The following TFB1M variants were observed in gnomAD, a reference collection of about 807,000 sequenced individuals.
The protein encoded by TFB1M is transcription factor B1, mitochondrial, also known as dimethyladenosine transferase 1, mitochondrial.
A neutral mutation model predicts 31.1 loss-of-function variants in TFB1M; 27 were observed. The observed-to-expected ratio is 0.87, with a 90% CI of 0.64 to 1.20. The LOEUF (loss-of-function observed/expected upper bound fraction) is 1.20, where lower values mean the gene tolerates loss of function less well. Among genes scored for constraint, TFB1M ranks in the 50% most tolerant of loss-of-function variants. The probability of loss-of-function intolerance (pLI) is 0.00; values close to 1 mark genes in which losing one functional copy is unlikely to be tolerated. For synonymous variants in TFB1M, 166 were observed against 151.8 expected, an observed-to-expected ratio of 1.09 and a Z score of -0.69; for missense variants, 394 against 418.7, an observed-to-expected ratio of 0.94 and a Z score of 0.51.
intron 2 of TFB1M, among the ~76,000 whole-genome samples, chr6:155,300,062 T>C (rs533314214): frequency 6.6e-6 from 1 of 152,314 alleles, no homozygotes; most frequent in Admixed American, 6.5e-5. Context: ...AATGACCAAA[T>C]GGCATTCAGG....
At chr6:155,243,066 A>G in the TFB1M span, among the ~76,000 whole-genome samples, 1 of 152,030 alleles carries the variant, frequency 6.6e-6, no homozygotes, top group Non-Finnish European at 1.5e-5. Flanking sequence ...ATTAAACAAA[A>G]TCTTTCGCTC....
At chr6:155,311,717 T>C (rs1402597344) in intron 1 of TFB1M, among the ~76,000 whole-genome samples, 3 of 152,244 alleles carry the variant, frequency 2.0e-5, no homozygotes, top group East Asian at 1.9e-4. Flanking sequence ...TTATTGAACA[T>C]TGAATATCTG....
intron 2 of TFB1M, among the ~76,000 whole-genome samples, chr6:155,300,411 C>T (rs1303531032): frequency 3.9e-5 from 6 of 152,174 alleles, no homozygotes; most frequent in Non-Finnish European, 7.4e-5. Flanking sequence ...GAAAATATAA[C>T]GATTTCAATA....
At chr6:155,254,744 A>G, downstream of TFB1M, 5 of 751,854 alleles carry the variant, frequency 6.7e-6, no homozygotes, top group Non-Finnish European at 1.0e-5. Context: ...TTCTACTGTA[A>G]AATACAGCCA....
intron 4 of TFB1M, among the ~76,000 whole-genome samples, chr6:155,289,741 C>G (rs141132075): frequency 1.3e-5 from 2 of 152,276 alleles, no homozygotes; most frequent in African/African-American, 4.8e-5. Flanking sequence ...TGAAATGGTG[C>G]GAATTACTGT....
At chr6:155,244,056 G>A in the TFB1M span, 1 of 1,613,990 alleles carries the variant, frequency 6.2e-7, no homozygotes. Flanking sequence ...ACTTCAGAAT[G>A]AGACCTTTCT....
chr6:155,260,761 AAAAT>A (rs1241010316), intron 5 of TFB1M: 1 of 346,018 alleles, frequency 2.9e-6, no homozygotes, highest in Non-Finnish European at 5.6e-6. Context: ...AATGAGGAAA[AAAAT>A]AAGCCGCAGC....
chr6:155,311,066 T>C (rs1447169569), intron 2 of TFB1M, 122 bp downstream of exon 2: 31 of 1,088,910 alleles, frequency 2.8e-5, no homozygotes, highest in Non-Finnish European at 3.2e-5. Flanking sequence ...GAATGGGGCC[T>C]TGGGGATCTA....
chr6:155,284,996 C>T (rs1210097291), intron 5 of TFB1M, among the ~76,000 whole-genome samples, 162 bp downstream of exon 5: 1 of 152,144 alleles, frequency 6.6e-6, no homozygotes, highest in African/African-American at 2.4e-5. Context: ...TAAGAACTAG[C>T]TATTCATATT....
chr6:155,252,907 A>G, downstream of TFB1M: 2 of 1,560,950 alleles, frequency 1.3e-6, no homozygotes, highest in South Asian at 2.2e-5. Flanking sequence ...CCTCAGTGAC[A>G]GCTTCCCTAA....
intron 2 of TFB1M, among the ~76,000 whole-genome samples, chr6:155,303,721 A>T (rs972602098): frequency 6.6e-6 from 1 of 152,188 alleles, no homozygotes; most frequent in Non-Finnish European, 1.5e-5. Flanking sequence ...ATTACCTCAT[A>T]TGTCTCTTAA....
chr6:155,289,242 G>C (rs924220347), intron 4 of TFB1M, among the ~76,000 whole-genome samples: 2 of 150,114 alleles, frequency 1.3e-5, no homozygotes, highest in Admixed American at 6.6e-5. Flanking sequence ...GTCCTCTGGA[G>C]ATGGTGGGAG....
the TFB1M span, among the ~76,000 whole-genome samples, chr6:155,237,841 T>C: frequency 6.6e-6 from 1 of 152,194 alleles, no homozygotes; most frequent in Non-Finnish European, 1.5e-5. Flanking sequence ...TTTTTCCTCC[T>C]AGGCCTCCAG....
At chr6:155,310,793 T>C (rs377755090) in intron 2 of TFB1M, 3 of 195,164 alleles carry the variant, frequency 1.5e-5, no homozygotes, top group African/African-American at 7.1e-5. Flanking sequence ...GAAATGCTTT[T>C]TGAACCTAAA....
intron 5 of TFB1M, among the ~76,000 whole-genome samples, chr6:155,266,921 C>CT (rs1784670062): frequency 7.0e-6 from 1 of 143,826 alleles, no homozygotes; most frequent in Non-Finnish European, 1.5e-5. Flanking sequence ...AAAGCATAGT[C>CT]TGGGGTGGTG....
At chr6:155,245,759 T>TTTTTTTTTTTTTTTG in the TFB1M span, 1 of 1,441,466 alleles carries the variant, frequency 6.9e-7, no homozygotes. Flanking sequence ...TTTATAGTTT[T>TTTTTTTTTTTTTTTG]TTTTTTTTTT....
intron 5 of TFB1M, among the ~76,000 whole-genome samples, chr6:155,273,727 A>G (rs1785045987): frequency 6.6e-6 from 1 of 152,100 alleles, no homozygotes; most frequent in Admixed American, 6.5e-5. Context: ...GTGAGGTAGG[A>G]GGGGTGGAGA....
At chr6:155,273,693 G>C (rs1028245909) in intron 5 of TFB1M, among the ~76,000 whole-genome samples, 2 of 152,170 alleles carry the variant, frequency 1.3e-5, no homozygotes, top group African/African-American at 4.8e-5. Flanking sequence ...TGTGGTAAAA[G>C]GGGAAAGGAT....
Position 155,297,102 on chromosome 6 carries a change from G to T in TFB1M, c.397C>A (p.Pro133Thr). 6.2e-7 allele frequency: 1 copy of T among 1,613,244 alleles called. No individual in the cohort carries two copies. The highest frequency in any genetic ancestry group is 8.5e-7 in the Non-Finnish European group (1 of 1,179,892). The change falls in exon 4 of 7, where the codon CCT (proline) becomes ACT (threonine). Residue 133 changes from proline to threonine, a missense_variant and splice_region_variant. Pro to Thr is a conservative substitution (Grantham distance 38). Around this residue, in one of 3 missense-constraint regions of TFB1M, gnomAD observed 273 missense variants for 256.4 expected, o/e 1.06. Transcript: ENST00000367166. Reference sequence around the variant, plus strand: ...TTTCCAATAATATGTACATTTGGAGGATCTGGTGGCAGAGGAAAAAACAAC... The same window carrying T: ...TTTCCAATAATATGTACATTTGGAGTATCTGGTGGCAGAGGAAAAAACAAC... ...ESLKRPWEDD[P>T]PNVHIIGNLP... is the part of the protein sequence containing the mutation.
Sources: gnomAD v4.1 joint callset for allele counts (sites outside exome capture counted in the v4.1 genomes callset) on GRCh38, gnomAD v4.1.1 for gene constraint, gnomAD v4.1.1 regional missense constraint, MANE v1.5 for transcripts, NCBI Gene and HGNC (gene_info 2026-07-23, HGNC 2026-07-21) for gene names.